The following THOC2 variants were observed in gnomAD, a reference collection of about 807,000 sequenced individuals.
THOC2 encodes THO complex 2.
Under a neutral mutation model 128.4 loss-of-function variants are expected in THOC2, and 10 were observed. The observed-to-expected ratio is 0.08, with a 90% CI of 0.05 to 0.13. The LOEUF is 0.13. THOC2 is among the 10% of genes least tolerant of loss of function. The pLI, the probability that THOC2 is intolerant of heterozygous loss-of-function variation, is 1.00. For synonymous variants in THOC2, 393 were observed against 396.9 expected (o/e 0.99, Z 0.12); for missense variants, 535 against 1,155.7 (o/e 0.46, Z 7.79).
At chrX:123,609,158 TAGGG>T (rs2046602185) in intron 38 of THOC2, among the ~76,000 whole-genome samples, 1 of 111,952 alleles carries the variant, frequency 8.9e-6, no homozygotes, top group Admixed American at 9.4e-5. Context: ...TTTCTTTTAA[TAGGG>T]AGACCACATG....
chrX:123,619,791 C>T (rs2047019042), intron 32 of THOC2: 1 of 138,492 alleles, frequency 7.2e-6, no homozygotes, highest in African/African-American at 3.2e-5. Flanking sequence ...TACTGGAGGT[C>T]ACTGTGGAAG....
At chrX:123,681,625 G>A (rs762655187) in intron 8 of THOC2, among the ~76,000 whole-genome samples, 8 of 111,697 alleles carry the variant, frequency 7.2e-5, no homozygotes, top group East Asian at 5.6e-4. Flanking sequence ...ATAAGTCAAC[G>A]CCATTAAAAA....
chrX:123,624,078 C>A lies in THOC2; in HGVS notation c.3300G>T (p.Trp1100Cys), dbSNP rs1603242447. 1 of 1,192,323 alleles carries A rather than the reference C, an allele frequency of 8.4e-7. No individual in the cohort carries two copies. The change falls in exon 27 of 39, where the codon TGG (tryptophan) becomes TGT (cysteine). Residue 1100 changes from tryptophan (W) to cysteine (C), a missense_variant. Trp to Cys is a radical substitution (Grantham distance 215, BLOSUM62 -2). Around this residue, in one of 9 missense-constraint regions of THOC2, gnomAD observed 20 missense variants for 67.0 expected, o/e 0.30. Transcript: ENST00000245838. Reference sequence around the variant, plus strand: ...TTTTTACCTTGGTTAGTTTGTAATGCCATTTATGTACAACATGTCGAAAAT... The same window carrying A: ...TTTTTACCTTGGTTAGTTTGTAATGACATTTATGTACAACATGTCGAAAAT... ...YENFRHVVHK[W>C]HYKLTKASVH...
At chrX:123,651,730 C>A (rs188281273) in intron 12 of THOC2, among the ~76,000 whole-genome samples, 17 of 106,583 alleles carry the variant, frequency 1.6e-4, no homozygotes, top group African/African-American at 5.5e-4. Context: ...CATACGCCCC[C>A]CCCCCAAGAC....
At position 123,686,671 on chromosome X, in the gene THOC2, T is replaced by C; in HGVS notation, c.645A>G (p.Leu215=). ...LDPNRVLDVI[L]EVFECRPEHD... ...GTTCTGGCCTGCATTCAAACACTTC[T>C]AAAATGACATCCAAAACTCTATTGG... The change falls in exon 8 of 39, where the codon TTA becomes TTG. Residue 215 remains leucine, a synonymous_variant. Transcript: ENST00000245838. 1 of 1,202,792 alleles carries C rather than the reference T, an allele frequency of 8.3e-7. No individual in the cohort carries two copies.
At chrX:123,662,587 CAAAAAAAAAA>C (rs777761030) in intron 12 of THOC2, among the ~76,000 whole-genome samples, 4 of 47,460 alleles carry the variant, frequency 8.4e-5, no homozygotes, top group African/African-American at 1.6e-4. Context: ...GACTCCGTCT[CAAAAAAAAAA>C]AAAAAAAAAA....
chrX:123,607,283 T>C (rs2046508546), intron 38 of THOC2, among the ~76,000 whole-genome samples: 1 of 110,183 alleles, frequency 9.1e-6, no homozygotes. Context: ...TGTTATCTTC[T>C]TAATTCTTAA....
chrX:123,689,909 T>C (rs2050149281), intron 7 of THOC2, among the ~76,000 whole-genome samples: 1 of 111,046 alleles, frequency 9.0e-6, no homozygotes. Flanking sequence ...CTGATAATCA[T>C]GTGATCTTTA....
At chrX:123,635,058 A>G (rs764295829) in intron 19 of THOC2, among the ~76,000 whole-genome samples, 18 of 112,213 alleles carry the variant, frequency 1.6e-4, no homozygotes, top group Non-Finnish European at 3.0e-4. Flanking sequence ...GATTCTTATT[A>G]AATGTTTGTT....
At chrX:123,690,272 G>A (rs1451820206) in intron 7 of THOC2, among the ~76,000 whole-genome samples, 1 of 111,415 alleles carries the variant, frequency 9.0e-6, no homozygotes, top group African/African-American at 3.3e-5. Flanking sequence ...AAAATTTCAG[G>A]GGTAGTGGGA....
At position 123,625,902 on chromosome X, in the gene THOC2, A is replaced by G. The variant is rs1347397680; in HGVS notation, c.3057+10T>C. 1 of 1,202,758 alleles carries G rather than the reference A, an allele frequency of 8.3e-7. No individual in the cohort carries two copies. Among genetic ancestry groups the G allele is most frequent in the Admixed American group, 2.2e-5 (1 of 44,513 alleles). ...GTGAGAACTTTTTAAAGGTTGCAAT[A>G]AAAACTTACTCGATCATAGCAAAGA... On this transcript the variant is annotated intron_variant, in intron 25 of 38. Transcript: ENST00000245838.
chrX:123,633,696 G>A (rs1205561106), intron 20 of THOC2, among the ~76,000 whole-genome samples: 2 of 111,949 alleles, frequency 1.8e-5, no homozygotes, highest in Admixed American at 9.5e-5. Flanking sequence ...GAGCCACCAC[G>A]CCCGGCCTTA....
chrX:123,723,695 CAGT>C (rs746984957), intron 1 of THOC2, among the ~76,000 whole-genome samples: 2 of 110,293 alleles, frequency 1.8e-5, no homozygotes, highest in Non-Finnish European at 3.8e-5. Context: ...CAGCCAGAAA[CAGT>C]AGGATAAATA....
chrX:123,610,390 G>GT (rs1159833697), intron 38 of THOC2: 1 of 107,660 alleles, frequency 9.3e-6, no homozygotes, highest in Admixed American at 9.8e-5. Flanking sequence ...ATGGGCAGTG[G>GT]TAAAAAAAAA....
At chrX:123,644,719 T>G in intron 14 of THOC2, 43 bp from the exon 15 acceptor site, 1 of 1,165,967 alleles carries the variant, frequency 8.6e-7, no homozygotes, top group Non-Finnish European at 1.2e-6. Flanking sequence ...AGTTAAACAC[T>G]TAGAGGTTAA....
At chrX:123,656,731 C>T (rs2048605086) in intron 12 of THOC2, among the ~76,000 whole-genome samples, 1 of 109,038 alleles carries the variant, frequency 9.2e-6, no homozygotes, top group Admixed American at 9.9e-5. Flanking sequence ...GGCGGGGAGC[C>T]GGGCATGGTG....
chrX:123,700,806 AT>A lies in THOC2; in HGVS notation c.274+2647del, dbSNP rs779245543. ...AGTTGATGTAAGGATTAAAACAAAG[AT>A]TAAATGCTTAACACAATGCCTAGAA... On this transcript the variant is annotated intron_variant, in intron 4 of 38. Coordinates refer to ENST00000245838, the MANE Select transcript of THOC2 (RefSeq NM_001081550.2). 7.1e-5 allele frequency among the ~76,000 whole-genome samples: 8 copies of A among 111,897 alleles called. No individual in the cohort carries two copies. In the East Asian group the frequency reaches 2.0e-3, roughly 28 times the overall value.
intron 4 of THOC2, among the ~76,000 whole-genome samples, chrX:123,702,515 TATATATA>T (rs1254197266): frequency 3.8e-5 from 4 of 105,059 alleles, no homozygotes; most frequent in Admixed American, 3.3e-4. Context: ...CATATATACA[TATATATA>T]ATATATATTA....
chrX:123,672,775 T>A (rs1246907224), intron 8 of THOC2, among the ~76,000 whole-genome samples: 1 of 112,053 alleles, frequency 8.9e-6, no homozygotes, highest in Non-Finnish European at 1.9e-5. Flanking sequence ...TGAGGTCAGA[T>A]GAATGGAACA....
Sources: allele counts gnomAD v4.1 joint callset (sites outside exome capture counted in the v4.1 genomes callset), GRCh38; gene constraint gnomAD v4.1.1; regional missense constraint gnomAD v4.1.1; transcripts MANE v1.5; gene names NCBI Gene and HGNC (gene_info 2026-07-23, HGNC 2026-07-21).